The following PDE4B variants were observed in gnomAD, a reference collection of about 807,000 sequenced individuals.
The protein encoded by PDE4B is phosphodiesterase 4B.
In PDE4B, 20 loss-of-function variants were observed where a neutral mutation model predicts 82.2. The observed-to-expected ratio is 0.24, with a 90% CI of 0.17 to 0.35. The LOEUF is 0.35. Among genes scored for constraint, PDE4B ranks in the 10% least tolerant of loss-of-function variants. PDE4B has a pLI of 1.00. For synonymous variants in PDE4B, 320 were observed against 318.9 expected, an observed-to-expected ratio of 1.00 and a Z score of -0.04; for missense variants, 655 against 907.2, an observed-to-expected ratio of 0.72 and a Z score of 3.57.
At chr1:65,852,860 A>ACTGT (rs1197801656) in intron 1 of PDE4B, among the ~76,000 whole-genome samples, 2 of 151,208 alleles carry the variant, frequency 1.3e-5, no homozygotes, top group Admixed American at 1.3e-4. Context: ...TTTGGATTCT[A>ACTGT]CTGTCATTGG....
intron 3 of PDE4B, among the ~76,000 whole-genome samples, chr1:66,157,355 C>T (rs185300509): frequency 1.2e-4 from 19 of 152,298 alleles, no homozygotes; most frequent in Admixed American, 1.2e-3. Flanking sequence ...TTTCTAGCTC[C>T]TTTTGCAGTG....
At chr1:65,826,468 G>A (rs1196794063) in intron 1 of PDE4B, among the ~76,000 whole-genome samples, 7 of 152,072 alleles carry the variant, frequency 4.6e-5, no homozygotes, top group Admixed American at 2.6e-4. Flanking sequence ...TCCTCCTGAG[G>A]TCCCACCAGG....
At chr1:66,275,337 G>T (rs1655804894) in intron 7 of PDE4B, among the ~76,000 whole-genome samples, 1 of 152,164 alleles carries the variant, frequency 6.6e-6, no homozygotes, top group African/African-American at 2.4e-5. Flanking sequence ...GCTTAGCAGG[G>T]AGTAGCGCTA....
At chr1:65,988,495 A>G (rs1161696434) in intron 3 of PDE4B, among the ~76,000 whole-genome samples, 2 of 152,140 alleles carry the variant, frequency 1.3e-5, no homozygotes, top group African/African-American at 2.4e-5. Context: ...GGGATCTTGT[A>G]TAGCTTTACT....
At chr1:66,275,217 C>CT (rs527799971) in intron 7 of PDE4B, among the ~76,000 whole-genome samples, 171 of 152,332 alleles carry the variant, frequency 1.1e-3, no homozygotes, top group Admixed American at 1.6e-3. Context: ...CAGGATGCCA[C>CT]TTTATATGAT....
chr1:66,141,347 TATATATA>T (rs1646167322), intron 3 of PDE4B, among the ~76,000 whole-genome samples: 2 of 142,984 alleles, frequency 1.4e-5, no homozygotes, highest in Non-Finnish European at 3.1e-5. Context: ...TATATATATA[TATATATA>T]TATATATATA....
At chr1:65,849,024 G>A (rs1646299781) in intron 1 of PDE4B, among the ~76,000 whole-genome samples, 1 of 152,082 alleles carries the variant, frequency 6.6e-6, no homozygotes, top group African/African-American at 2.4e-5. Context: ...GACCATTGGA[G>A]TAATGGAAAA....
intron 3 of PDE4B, among the ~76,000 whole-genome samples, chr1:66,133,233 A>G (rs1645988689): frequency 6.6e-6 from 1 of 152,202 alleles, no homozygotes; most frequent in South Asian, 2.1e-4. Flanking sequence ...TTCCCACAAT[A>G]TAATGGTTCA....
intron 8 of PDE4B, among the ~76,000 whole-genome samples, chr1:66,345,845 C>T (rs1570740206): frequency 6.6e-6 from 1 of 152,174 alleles, no homozygotes; most frequent in Non-Finnish European, 1.5e-5. Context: ...AAAGCTTATT[C>T]CTACCCTTCT....
intron 3 of PDE4B, among the ~76,000 whole-genome samples, chr1:66,020,569 G>A (rs1314472458): frequency 6.6e-6 from 1 of 151,922 alleles, no homozygotes; most frequent in Non-Finnish European, 1.5e-5. Context: ...TGTGGTGTTT[G>A]GTTTTCTGTC....
At chr1:66,159,098 T>C (rs1221101537) in intron 3 of PDE4B, among the ~76,000 whole-genome samples, 4 of 152,184 alleles carry the variant, frequency 2.6e-5, no homozygotes, top group African/African-American at 9.7e-5. Context: ...TTGAAAGTTA[T>C]CACCACAAAG....
At chr1:66,065,354 T>TA (rs777116718) in intron 3 of PDE4B, among the ~76,000 whole-genome samples, 1 of 151,874 alleles carries the variant, frequency 6.6e-6, no homozygotes, top group Admixed American at 6.6e-5. Flanking sequence ...CATTAACATG[T>TA]AAAAAAATGC....
chr1:65,809,501 ATG>A (rs1364722750), intron 1 of PDE4B, among the ~76,000 whole-genome samples: 3 of 152,144 alleles, frequency 2.0e-5, no homozygotes, highest in African/African-American at 7.2e-5. Flanking sequence ...GTGAAGTTAT[ATG>A]TGTTATATTT....
chr1:65,956,478 T>C (rs921012385), intron 3 of PDE4B, among the ~76,000 whole-genome samples: 6 of 152,032 alleles, frequency 3.9e-5, no homozygotes, highest in Non-Finnish European at 8.8e-5. Flanking sequence ...TACACACACA[T>C]AGTATTACAG....
chr1:66,236,490 T>G (rs1384961137), intron 3 of PDE4B, among the ~76,000 whole-genome samples: 1 of 152,306 alleles, frequency 6.6e-6, no homozygotes, highest in East Asian at 1.9e-4. Context: ...ATTTTCCTTC[T>G]GCTTGAAGGA....
intron 3 of PDE4B, among the ~76,000 whole-genome samples, chr1:66,146,455 A>G (rs1040608377): frequency 1.6e-4 from 25 of 152,076 alleles, no homozygotes; most frequent in African/African-American, 6.0e-4. Context: ...AAGTGCTGGG[A>G]TTACAGGCGT....
chr1:66,332,792 T>C (rs928585159), intron 8 of PDE4B, among the ~76,000 whole-genome samples, 172 bp downstream of exon 8: 2 of 152,238 alleles, frequency 1.3e-5, no homozygotes, highest in African/African-American at 4.8e-5. Flanking sequence ...TGTGTCTTGA[T>C]GCTACAGCAA....
chr1:66,358,302 A>G (rs976434966), intron 9 of PDE4B, among the ~76,000 whole-genome samples: 4 of 152,248 alleles, frequency 2.6e-5, no homozygotes, highest in Admixed American at 2.0e-4. Context: ...AGAAAATCAC[A>G]TAAGGACTCT....
chr1:66,371,094 C>CTATATATATATA lies in PDE4B; in HGVS notation c.1846-1190_1846-1179dup, dbSNP rs557320202. Reference sequence around the variant, plus strand: ...TATATATATATACACACACATCATACTATATATATATATATATATATATAT... The same window carrying CTATATATATATA: ...TATATATATATACACACACATCATACTATATATATATATATATATATATATATATATATATAT... On this transcript the variant is annotated intron_variant, in intron 16 of 16. Coordinates refer to ENST00000341517, the MANE Select transcript of PDE4B (RefSeq NM_002600.4). Among the ~76,000 whole-genome samples the CTATATATATATA allele has an allele frequency of 2.6e-3, 194 of 74,814 alleles. 5 individuals are homozygous for CTATATATATATA. Among genetic ancestry groups the CTATATATATATA allele is most frequent in the East Asian group, 0.011 (14 of 1,258 alleles). 49.1% of individuals were successfully genotyped at this position (74,814 alleles called of 152,430 possible). A position where few individuals can be genotyped will look rare whatever the true frequency, so the allele number is the denominator to read the frequency against.
Sources: allele counts gnomAD v4.1 joint callset (sites outside exome capture counted in the v4.1 genomes callset), GRCh38; gene constraint gnomAD v4.1.1; transcripts MANE v1.5; gene names NCBI Gene and HGNC (gene_info 2026-07-23, HGNC 2026-07-21).